The following NSD1 variants were observed in gnomAD, a reference collection of about 807,000 sequenced individuals.
The protein encoded by NSD1 is histone-lysine N-methyltransferase, H3 lysine-36 specific.
Under a neutral mutation model 242.7 loss-of-function variants are expected in NSD1, and 26 were observed. The ratio of observed to expected loss-of-function variants is 0.11; its 90% confidence interval spans 0.08 to 0.15. The LOEUF (loss-of-function observed/expected upper bound fraction) is 0.15, where lower values mean the gene tolerates loss of function less well. NSD1 is among the 10% of genes least tolerant of loss of function. The pLI is 1.00. For missense variants in NSD1, 2,495 were observed against 3,272.8 expected, an observed-to-expected ratio of 0.76 and a Z score of 5.80; for synonymous variants, 1,106 against 1,178.1, an observed-to-expected ratio of 0.94 and a Z score of 1.25.
chr5:177,256,013 A>G (rs899484064), intron 12 of NSD1, among the ~76,000 whole-genome samples: 4 of 152,330 alleles, frequency 2.6e-5, no homozygotes, highest in African/African-American at 9.6e-5. Flanking sequence ...TTCTAACACA[A>G]CATCTAATGT....
chr5:177,151,723 A>C, intron 2 of NSD1, among the ~76,000 whole-genome samples: 1 of 144,714 alleles, frequency 6.9e-6, no homozygotes, highest in Admixed American at 7.0e-5. Context: ...ACAGGGTCTC[A>C]CTCTGTTGGC....
chr5:177,193,333 G>A (rs1006611298), intron 3 of NSD1, among the ~76,000 whole-genome samples: 28 of 152,034 alleles, frequency 1.8e-4, no homozygotes, highest in Admixed American at 1.6e-3. Context: ...TAGTAGAGAC[G>A]GGATTTCACC....
At position 177,152,317 on chromosome 5, in the gene NSD1, G is replaced by GTA. The variant is rs543947943; in HGVS notation, c.927+16288_927+16289insAT. On this transcript the variant is annotated intron_variant, in intron 2 of 22. Coordinates refer to ENST00000439151, the MANE Select transcript of NSD1 (RefSeq NM_022455.5). ...CACTGTGCCGAGCCAGGTTGTGTGT[G>GTA]TGTGTATGTATGTATGTATGTATGT... is the stretch of plus-strand genomic sequence containing the variant. Among the ~76,000 whole-genome samples, 185 of 134,894 alleles carry GTA rather than the reference G, an allele frequency of 1.4e-3. 2 individuals are homozygous for GTA. Among genetic ancestry groups the GTA allele is most frequent in the East Asian group, 0.012 (56 of 4,626 alleles). The allele number at this position is 134,894 out of a possible 152,430, so 88.5% of individuals were successfully genotyped here.
intron 22 of NSD1, among the ~76,000 whole-genome samples, chr5:177,293,369 C>A (rs992258354): frequency 1.3e-5 from 2 of 152,028 alleles, no homozygotes; most frequent in Admixed American, 1.3e-4. Context: ...GATTTTATAT[C>A]TTTTCTATTA....
chr5:177,223,229 G>A (rs1434387254), intron 5 of NSD1, among the ~76,000 whole-genome samples: 2 of 151,772 alleles, frequency 1.3e-5, no homozygotes, highest in Non-Finnish European at 2.9e-5. Flanking sequence ...TTACAGGCAT[G>A]CGCCAGCACG....
chr5:177,184,521 CTTGTTTTGGGT>C, intron 2 of NSD1, among the ~76,000 whole-genome samples: 1 of 151,946 alleles, frequency 6.6e-6, no homozygotes, highest in South Asian at 2.1e-4. Flanking sequence ...AGTCTAGTTA[CTTGTTTTGGGT>C]TTTTTTTTCT....
In NSD1 at chr5:177,158,250, TTTCTTTCTTTC is replaced by T. The variant is rs1219825596; in HGVS notation, c.927+22223_927+22233del. On this transcript the variant is annotated intron_variant, in intron 2 of 22. Coordinates refer to ENST00000439151, the MANE Select transcript of NSD1 (RefSeq NM_022455.5). Reference sequence around the variant, plus strand: ...ATATGGGTTCTAATTTCTTTCTTTCTTTCTTTCTTTCTTTCTTTCTTTCTTTCTTTCTTTCT... The same window carrying T: ...ATATGGGTTCTAATTTCTTTCTTTCTTTTCTTTCTTTCTTTCTTTCTTTCT... Among the ~76,000 whole-genome samples the T allele has an allele frequency of 2.3e-3, 196 of 86,694 alleles. 1 individual carries two copies. The highest frequency in any genetic ancestry group is 0.014 in the South Asian group (41 of 2,924). 56.9% of individuals were successfully genotyped at this position (86,694 alleles called of 152,430 possible). A position where few individuals can be genotyped will look rare whatever the true frequency, so the allele number is the denominator to read the frequency against.
chr5:177,283,985 T>C, intron 20 of NSD1, 57 bp downstream of exon 20: 1 of 1,583,900 alleles, frequency 6.3e-7, no homozygotes, highest in South Asian at 1.1e-5. Context: ...CTTTTGTTTT[T>C]TACAAACAGC....
At chr5:177,249,295 G>A (rs1171357874) in intron 11 of NSD1, among the ~76,000 whole-genome samples, 3 of 152,022 alleles carry the variant, frequency 2.0e-5, no homozygotes, top group South Asian at 2.1e-4. Context: ...GCAGCACAGC[G>A]AGACCCCTGT....
chr5:177,135,779 T>A lies in NSD1; in HGVS notation c.676T>A (p.Phe226Ile). ...ESRHGAVKSP[F>I]LPLAPQTETQ... ...TAGACACGGTGCAGTCAAATCGCCA[T>A]TCTTGCCATTAGCTCCTCAGACTGA... The change falls in exon 2 of 23, where the codon TTC becomes ATC. Residue 226 changes from phenylalanine to isoleucine, a missense_variant. By Grantham distance (21) the Phe-to-Ile change is conservative (BLOSUM62 0). Coordinates refer to ENST00000439151, the MANE Select transcript of NSD1 (RefSeq NM_022455.5). The A allele has an allele frequency of 6.2e-7, 1 of 1,612,872 alleles. No homozygotes were observed. Among genetic ancestry groups the A allele is most frequent in the Non-Finnish European group, 8.5e-7 (1 of 1,178,870 alleles).
rs769327995 is a variant in NSD1, at chr5:177,257,132, C to T, written c.4947C>T (p.Ala1649=). ...ICITCHAANP[A]NVSASKGRLM... Reference sequence around the variant, plus strand: ...TAACCTGTCATGCTGCTAATCCAGCCAATGTTTCTGCATCTAAAGGTATGG... The same window carrying T: ...TAACCTGTCATGCTGCTAATCCAGCTAATGTTTCTGCATCTAAAGGTATGG... The change falls in exon 13 of 23, where the codon GCC becomes GCT. Residue 1649 remains alanine (A), a synonymous_variant. Transcript: ENST00000439151. 4 of 1,613,746 alleles carry T rather than the reference C, an allele frequency of 2.5e-6. No homozygotes were observed. The South Asian group carries it at 3.3e-5, about 13-fold the overall frequency.
chr5:177,164,319 G>T (rs1322007427), intron 2 of NSD1, among the ~76,000 whole-genome samples: 1 of 151,794 alleles, frequency 6.6e-6, no homozygotes, highest in African/African-American at 2.4e-5. Flanking sequence ...ACCATGCCTG[G>T]CTAATTTTTG....
chr5:177,193,369 C>G (rs555929966), intron 3 of NSD1, among the ~76,000 whole-genome samples: 11 of 152,234 alleles, frequency 7.2e-5, no homozygotes, highest in Admixed American at 4.6e-4. Flanking sequence ...GTCTTGATCT[C>G]TTGACCTCGT....
intron 4 of NSD1, among the ~76,000 whole-genome samples, chr5:177,208,614 A>G (rs2149841113): frequency 6.8e-6 from 1 of 148,140 alleles, no homozygotes; most frequent in South Asian, 2.1e-4. Flanking sequence ...TGGAGCCTCC[A>G]CTTACTGGGT....
intron 13 of NSD1, among the ~76,000 whole-genome samples, chr5:177,258,207 C>G (rs1249263172): frequency 6.6e-6 from 1 of 151,102 alleles, no homozygotes; most frequent in Non-Finnish European, 1.5e-5. Flanking sequence ...CTTGAACTCC[C>G]GACCTCAGGT....
chr5:177,187,518 C>T (rs535229876), intron 2 of NSD1, among the ~76,000 whole-genome samples: 1 of 152,258 alleles, frequency 6.6e-6, no homozygotes, highest in Non-Finnish European at 1.5e-5. Context: ...TTTTGGGGGG[C>T]TGTTGTAATG....
chr5:177,133,490 C>T (rs1364664046), upstream of NSD1: 4 of 151,482 alleles, frequency 2.6e-5, no homozygotes, highest in Non-Finnish European at 4.4e-5. This position sits in a 1 kb window ranked among gnomAD's most constrained non-coding sequence, Gnocchi z 6.2. Context: ...GAGCCCGCCT[C>T]AGGCCCCGCC....
Position 177,297,491 on chromosome 5 carries a change from G to C in NSD1, c.*2032G>C, listed in dbSNP as rs1268369342. On this transcript the variant is annotated 3_prime_UTR_variant, in exon 23 of 23. Coordinates refer to ENST00000439151, the MANE Select transcript of NSD1 (RefSeq NM_022455.5). The stretch of plus-strand genomic sequence containing the variant: ...GTAGGTCCCTTTCCCTAATCTTTTA[G>C]GTCATATGAGTAGGGTTTGCTTGGT... 4.3e-5 allele frequency: 10 copies of C among 231,454 alleles called. No individual in the cohort carries two copies. The Admixed American group carries it at 5.7e-4, about 13-fold the overall frequency. The allele number at this position is 231,454 out of a possible 1,614,324, so 14.3% of individuals were successfully genotyped here. A position where few individuals can be genotyped will look rare whatever the true frequency, so the allele number is the denominator to read the frequency against.
At chr5:177,236,883 G>A (rs1383365400) in intron 6 of NSD1, among the ~76,000 whole-genome samples, 1 of 152,194 alleles carries the variant, frequency 6.6e-6, no homozygotes, top group Admixed American at 6.5e-5. Context: ...TGCCCAAGCT[G>A]GAGTGCAGAG....
Sources: allele counts gnomAD v4.1 joint callset (sites outside exome capture counted in the v4.1 genomes callset), GRCh38; gene constraint gnomAD v4.1.1; non-coding constraint Gnocchi (gnomAD v3.1); transcripts MANE v1.5; gene names NCBI Gene and HGNC (gene_info 2026-07-23, HGNC 2026-07-21).